Variants in SLC10A7 observed in about 807,000 individuals in gnomAD.
SLC10A7 encodes the protein solute carrier family 10 member 7.
Under a neutral mutation model 43.2 loss-of-function variants are expected in SLC10A7, and 29 were observed. The observed-to-expected ratio is 0.67, with a 90% confidence interval of 0.50 to 0.92. SLC10A7 has a LOEUF of 0.92. Among genes scored for constraint, SLC10A7 ranks in the 40% least tolerant of loss-of-function variants. The probability of loss-of-function intolerance (pLI) is 0.00; values close to 1 mark genes in which losing one functional copy is unlikely to be tolerated. For synonymous variants in SLC10A7, 152 were observed against 144.8 expected (o/e 1.05, Z -0.35); for missense variants, 295 against 403.2 (o/e 0.73, Z 2.30).
chr4:146,367,295 C>G (rs1166410059), intron 5 of SLC10A7, among the ~76,000 whole-genome samples: 1 of 151,838 alleles, frequency 6.6e-6, no homozygotes. Context: ...CAGTGCAGTG[C>G]TGTCCAATAG....
intron 5 of SLC10A7, among the ~76,000 whole-genome samples, chr4:146,356,015 T>C (rs1735578234): frequency 1.4e-5 from 2 of 139,480 alleles, no homozygotes; most frequent in African/African-American, 2.7e-5. Context: ...AATGTGCACA[T>C]GTACCCTAAA....
intron 7 of SLC10A7, among the ~76,000 whole-genome samples, chr4:146,304,845 T>C (rs1731434325): frequency 6.6e-6 from 1 of 152,092 alleles, no homozygotes; most frequent in South Asian, 2.1e-4. Flanking sequence ...ATGTTGACAG[T>C]GGGGCGTTAA....
intron 5 of SLC10A7, among the ~76,000 whole-genome samples, chr4:146,349,942 T>C (rs1734911423): frequency 1.3e-5 from 2 of 152,078 alleles, no homozygotes; most frequent in African/African-American, 4.8e-5. Context: ...TTATTTCATA[T>C]ACCCTAGTAA....
At chr4:146,504,109 T>C (rs951420515) in intron 3 of SLC10A7, among the ~76,000 whole-genome samples, 185 bp from the exon 4 acceptor site, 5 of 152,234 alleles carry the variant, frequency 3.3e-5, no homozygotes, top group Non-Finnish European at 2.9e-5. Flanking sequence ...TGCAAATGTA[T>C]GGGTTCTAAT....
Position 146,324,832 on chromosome 4 carries a change from T to C in SLC10A7, c.471+1129A>G, listed in dbSNP as rs553842888. Among the ~76,000 whole-genome samples, 229 of 152,324 alleles carry C rather than the reference T, an allele frequency of 1.5e-3. 1 individual carries two copies. Among genetic ancestry groups the C allele is most frequent in the African/African-American group, 5.2e-3 (215 of 41,562 alleles). On this transcript the variant is annotated intron_variant, in intron 6 of 11. Coordinates refer to ENST00000335472, the MANE Select transcript of SLC10A7 (RefSeq NM_001029998.6). The stretch of plus-strand genomic sequence containing the variant: ...GAAAATTCTGCGTTGGTGAAGTCCA[T>C]GTCAATGAAGTTTGTTATGCTGAGG...
chr4:146,490,026 T>C (rs1735255330), intron 4 of SLC10A7, among the ~76,000 whole-genome samples: 1 of 152,120 alleles, frequency 6.6e-6, no homozygotes, highest in African/African-American at 2.4e-5. Flanking sequence ...AAATTCTATT[T>C]TTTTTTTGTC....
At chr4:146,498,823 AT>A (rs973634568) in intron 4 of SLC10A7, among the ~76,000 whole-genome samples, 4 of 152,012 alleles carry the variant, frequency 2.6e-5, no homozygotes, top group East Asian at 3.9e-4. Flanking sequence ...ATAACAACAT[AT>A]TTTTTTTAAC....
chr4:146,355,929 A>G (rs1735567745), intron 5 of SLC10A7, among the ~76,000 whole-genome samples: 1 of 150,332 alleles, frequency 6.7e-6, no homozygotes, highest in Admixed American at 6.6e-5. Context: ...TGGGAGACAT[A>G]CCTAATGCTA....
intron 10 of SLC10A7, among the ~76,000 whole-genome samples, chr4:146,266,481 G>T (rs1393492376): frequency 1.3e-5 from 2 of 151,830 alleles, no homozygotes; most frequent in African/African-American, 4.8e-5. Context: ...TTTCTCTTCA[G>T]AGACAAAATA....
At chr4:146,410,009 T>C (rs540014745) in intron 5 of SLC10A7, among the ~76,000 whole-genome samples, 2 of 152,304 alleles carry the variant, frequency 1.3e-5, no homozygotes, top group South Asian at 4.1e-4. Context: ...AAATTGCAGA[T>C]GTTAATAGTT....
chr4:146,325,590 C>G (rs573582216), intron 6 of SLC10A7, among the ~76,000 whole-genome samples: 1 of 152,224 alleles, frequency 6.6e-6, no homozygotes, highest in Admixed American at 6.5e-5. Flanking sequence ...TCCTCTGATC[C>G]CTGGTCCTAG....
intron 7 of SLC10A7, among the ~76,000 whole-genome samples, chr4:146,300,993 A>T (rs1429916150): frequency 1.3e-5 from 2 of 152,218 alleles, no homozygotes; most frequent in Non-Finnish European, 2.9e-5. Flanking sequence ...GTTATTAAGT[A>T]TACCTATAAA....
chr4:146,395,618 T>G (rs1738770211), intron 5 of SLC10A7, among the ~76,000 whole-genome samples: 1 of 152,084 alleles, frequency 6.6e-6, no homozygotes, highest in African/African-American at 2.4e-5. Context: ...TGAACTGGAG[T>G]CAGGTGCTGA....
At chr4:146,315,071 G>C (rs1732234414) in intron 6 of SLC10A7, among the ~76,000 whole-genome samples, 1 of 152,042 alleles carries the variant, frequency 6.6e-6, no homozygotes, top group African/African-American at 2.4e-5. Context: ...GATGTAGTTG[G>C]GGAGAAAGTA....
Position 146,256,316 on chromosome 4 carries a change from T to G in SLC10A7, c.*175A>C, listed in dbSNP as rs11930848. ...CTGGCAGTAATCAACAAAGCATATT[T>G]TGGAAATAACGCTCTTGTCAAATAC... On this transcript the variant is annotated 3_prime_UTR_variant, in exon 12 of 12. Transcript: ENST00000335472. 175,386 of 631,632 alleles carry G rather than the reference T, an allele frequency of 0.28. 27,040 individuals are homozygous for G. Among genetic ancestry groups the G allele is most frequent in the African/African-American group, 0.51 (27,877 of 54,166 alleles). The allele number at this position is 631,632 out of a possible 1,614,324, so 39.1% of individuals were successfully genotyped here. A position where few individuals can be genotyped will look rare whatever the true frequency, so the allele number is the denominator to read the frequency against.
chr4:146,488,539 T>G (rs963212523), intron 4 of SLC10A7, among the ~76,000 whole-genome samples: 1 of 152,116 alleles, frequency 6.6e-6, no homozygotes, highest in African/African-American at 2.4e-5. Context: ...TACTAAGATT[T>G]CTGTTTTTGT....
chr4:146,503,080 C>T (rs529899300), intron 4 of SLC10A7, among the ~76,000 whole-genome samples: 4 of 152,248 alleles, frequency 2.6e-5, no homozygotes, highest in African/African-American at 9.6e-5. Flanking sequence ...ATAGCAGGTA[C>T]TCAATATTTT....
rs543516616 is a variant in SLC10A7 at position 146,516,812 on chromosome 4, C to A, written c.183+226G>T. Among the ~76,000 whole-genome samples the A allele has an allele frequency of 4.6e-5, 7 of 152,202 alleles. No homozygotes were observed. In the East Asian group the frequency reaches 1.2e-3, roughly 25 times the overall value. On this transcript the variant is annotated intron_variant, in intron 2 of 11. Coordinates refer to ENST00000335472, the MANE Select transcript of SLC10A7 (RefSeq NM_001029998.6). ...GTTCAGCTGTCATATTAAAAACATA[C>A]TCATTATAACCACATCCTCAGGGCC...
At chr4:146,287,725 C>A in intron 9 of SLC10A7, among the ~76,000 whole-genome samples, 1 of 152,184 alleles carries the variant, frequency 6.6e-6, no homozygotes, top group East Asian at 1.9e-4. Context: ...TGTTGTCCAG[C>A]AACGTTTGTG....
Sources: gnomAD v4.1 joint callset for allele counts (sites outside exome capture counted in the v4.1 genomes callset) on GRCh38, gnomAD v4.1.1 for gene constraint, MANE v1.5 for transcripts, NCBI Gene and HGNC (gene_info 2026-07-23, HGNC 2026-07-21) for gene names.